DLGAP1: variants seen among roughly 807,000 people sequenced by gnomAD.
The protein encoded by DLGAP1 is DLG associated protein 1.
A neutral mutation model predicts 90.8 loss-of-function variants in DLGAP1; 11 were observed. The observed-to-expected ratio is 0.12, with a 90% CI of 0.08 to 0.20. The LOEUF (loss-of-function observed/expected upper bound fraction) is 0.20. Ranked by LOEUF, DLGAP1 falls within the 10% of genes least tolerant of loss-of-function variation. DLGAP1 has a pLI of 1.00. For missense variants in DLGAP1, 1,050 were observed against 1,333.8 expected (o/e 0.79, Z 3.31); for synonymous variants, 558 against 540.7 (o/e 1.03, Z -0.44).
chr18:3,729,899 G>A lies in DLGAP1; in HGVS notation c.1351-524C>T, dbSNP rs2062357387. ...TTTTAGAAACGAGTATTTTTACAGT[G>A]CCTTTTGAAGTGACTAGTTTGTCAA... On this transcript the variant is annotated intron_variant, in intron 6 of 12. Transcript: ENST00000315677. The surrounding 1 kb of genome is among the most constrained non-coding windows in gnomAD (Gnocchi z 6.2). Among the ~76,000 whole-genome samples the A allele has an allele frequency of 6.6e-6, 1 of 152,178 alleles. No individual in the cohort carries two copies. Among genetic ancestry groups the A allele is most frequent in the South Asian group, 2.1e-4 (1 of 4,832 alleles).
chr18:3,511,766 AT>A (rs1429722251), intron 10 of DLGAP1, among the ~76,000 whole-genome samples: 1 of 152,146 alleles, frequency 6.6e-6, no homozygotes, highest in African/African-American at 2.4e-5. Context: ...TCTCACTCCT[AT>A]GAAATGAAGC....
chr18:3,748,613 G>A (rs1040474081), intron 5 of DLGAP1, among the ~76,000 whole-genome samples: 7 of 152,204 alleles, frequency 4.6e-5, no homozygotes, highest in African/African-American at 1.4e-4. Context: ...TATGGCCTCA[G>A]GAGGTTAATC....
At chr18:4,092,365 T>C (rs142328827) in intron 2 of DLGAP1, among the ~76,000 whole-genome samples, 6 of 152,266 alleles carry the variant, frequency 3.9e-5, no homozygotes, top group African/African-American at 1.4e-4. Flanking sequence ...AGGGAGGCCC[T>C]GTGTGTCTGG....
At chr18:3,564,574 A>AT (rs917645075) in intron 9 of DLGAP1, among the ~76,000 whole-genome samples, 16 of 152,010 alleles carry the variant, frequency 1.1e-4, no homozygotes, top group African/African-American at 2.7e-4. Context: ...GCACAAGGAG[A>AT]TTTTTTTTCT....
intron 1 of DLGAP1, among the ~76,000 whole-genome samples, chr18:4,191,554 C>A (rs2077400077): frequency 6.6e-6 from 1 of 152,144 alleles, no homozygotes; most frequent in African/African-American, 2.4e-5. Context: ...TTTCTCCTTT[C>A]TAGTCCATTC....
chr18:4,128,656 T>C (rs1202781525), intron 2 of DLGAP1, among the ~76,000 whole-genome samples: 2 of 152,016 alleles, frequency 1.3e-5, no homozygotes, highest in Non-Finnish European at 2.9e-5. Flanking sequence ...CCTTACAAAG[T>C]AATACTGGCC....
chr18:3,956,564 G>T (rs2073090200), intron 3 of DLGAP1, among the ~76,000 whole-genome samples: 1 of 152,016 alleles, frequency 6.6e-6, no homozygotes, highest in South Asian at 2.1e-4. Flanking sequence ...TAGCCAGGAT[G>T]GTCTCAATCT....
At chr18:4,308,656 T>TAAAA (rs2080322709) in intron 1 of DLGAP1, among the ~76,000 whole-genome samples, 1 of 152,116 alleles carries the variant, frequency 6.6e-6, no homozygotes, top group African/African-American at 2.4e-5. Flanking sequence ...AGAATTAAAT[T>TAAAA]AAAAGGTTTA....
intron 1 of DLGAP1, among the ~76,000 whole-genome samples, chr18:4,186,249 T>C (rs1015085213): frequency 4.6e-5 from 7 of 152,204 alleles, no homozygotes; most frequent in African/African-American, 1.7e-4. Context: ...CTTTTGACAG[T>C]TTCTTTTGCA....
chr18:4,026,342 C>T (rs901484669), intron 2 of DLGAP1, among the ~76,000 whole-genome samples: 2 of 152,170 alleles, frequency 1.3e-5, no homozygotes, highest in African/African-American at 2.4e-5. Flanking sequence ...CCATTCTGAG[C>T]GGGAAGCAAG....
intron 3 of DLGAP1, among the ~76,000 whole-genome samples, chr18:3,963,873 G>A (rs918293528): frequency 6.6e-6 from 1 of 152,096 alleles, no homozygotes; most frequent in Non-Finnish European, 1.5e-5. Context: ...CAAAGAAAAA[G>A]GAAGGTAAAG....
intron 7 of DLGAP1, among the ~76,000 whole-genome samples, chr18:3,634,652 T>C (rs1279743704): frequency 6.6e-6 from 1 of 152,230 alleles, no homozygotes; most frequent in Non-Finnish European, 1.5e-5. Flanking sequence ...GTGATTTTAA[T>C]ACAAACTGGT....
At chr18:4,284,173 T>C (rs1008039272) in intron 1 of DLGAP1, among the ~76,000 whole-genome samples, 3 of 144,266 alleles carry the variant, frequency 2.1e-5, no homozygotes, top group African/African-American at 7.7e-5. Flanking sequence ...CACTCCAGCC[T>C]GGGCAACACT....
intron 1 of DLGAP1, among the ~76,000 whole-genome samples, chr18:4,164,285 G>A (rs938725754): frequency 7.2e-5 from 11 of 152,110 alleles, no homozygotes; most frequent in African/African-American, 2.7e-4. Context: ...ACAACAACTT[G>A]AATGAGAAAG....
In DLGAP1 at chr18:4,048,622, C is replaced by A. The variant is rs190636896; in HGVS notation, c.-158-43421G>T. Among the ~76,000 whole-genome samples the A allele has an allele frequency of 8.5e-5, 13 of 152,300 alleles. No individual in the cohort carries two copies. The East Asian group carries it at 2.3e-3, about 27-fold the overall frequency. Reference sequence around the variant, plus strand: ...TCGATAGACTGAGAGAATCTGAAAACTGTGACCTGACCAACTTGTGCCTGC... The same window carrying A: ...TCGATAGACTGAGAGAATCTGAAAAATGTGACCTGACCAACTTGTGCCTGC... On this transcript the variant is annotated intron_variant, in intron 2 of 12. Transcript: ENST00000315677.
Position 3,729,868 on chromosome 18 carries a change from C to A in DLGAP1, c.1351-493G>T, listed in dbSNP as rs1009710634. 2.0e-5 allele frequency among the ~76,000 whole-genome samples: 3 copies of A among 152,138 alleles called. No individual in the cohort carries two copies. The highest frequency in any genetic ancestry group is 7.2e-5 in the African/African-American group (3 of 41,430). ...TGTATTTTGGTATCACTTTTTAGCA[C>A]AAACATTTTAGAAACGAGTATTTTT... On this transcript the variant is annotated intron_variant, in intron 6 of 12. Coordinates refer to ENST00000315677, the MANE Select transcript of DLGAP1 (RefSeq NM_004746.4). The surrounding 1 kb of genome is among the most constrained non-coding windows in gnomAD (Gnocchi z 6.2).
intron 1 of DLGAP1, among the ~76,000 whole-genome samples, chr18:4,224,512 G>A (rs1275753827): frequency 6.6e-6 from 1 of 152,136 alleles, no homozygotes; most frequent in Non-Finnish European, 1.5e-5. Flanking sequence ...TTTGCCATAA[G>A]CTGACTGAAG....
intron 1 of DLGAP1, among the ~76,000 whole-genome samples, chr18:4,355,585 ACACT>A (rs1271257311): frequency 6.6e-6 from 1 of 152,080 alleles, no homozygotes; most frequent in Non-Finnish European, 1.5e-5. Context: ...TGTCTCACAC[ACACT>A]CACATAAACA....
intron 1 of DLGAP1, among the ~76,000 whole-genome samples, chr18:4,350,615 T>A (rs560318585): frequency 9.7e-4 from 148 of 152,256 alleles, no homozygotes; most frequent in African/African-American, 3.3e-3. Flanking sequence ...CATTTACAGA[T>A]CTGGGAACAA....
Sources: allele counts gnomAD v4.1 joint callset (sites outside exome capture counted in the v4.1 genomes callset), GRCh38; gene constraint gnomAD v4.1.1; non-coding constraint Gnocchi (gnomAD v3.1); transcripts MANE v1.5; gene names NCBI Gene and HGNC (gene_info 2026-07-23, HGNC 2026-07-21).